The following TNKS2 variants were observed in gnomAD, a reference collection of about 807,000 sequenced individuals.
TNKS2 encodes tankyrase 2.
TNKS2 carries 72 observed loss-of-function variants against 137.6 expected under a neutral mutation model. That is an observed-to-expected ratio of 0.52 (90% confidence interval 0.43 to 0.64). The LOEUF is 0.64. Among genes scored for constraint, TNKS2 ranks in the 30% least tolerant of loss-of-function variants. The probability of loss-of-function intolerance (pLI) is 0.00; values close to 1 mark genes in which losing one functional copy is unlikely to be tolerated. For synonymous variants in TNKS2, 516 were observed against 512.1 expected (o/e 1.01, Z -0.10); for missense variants, 1,049 against 1,410.2 (o/e 0.74, Z 4.10).
intron 7 of TNKS2, 151 bp downstream of exon 7, chr10:91,822,513 G>T: frequency 1.7e-6 from 1 of 601,122 alleles, no homozygotes; most frequent in South Asian, 2.4e-5. Context: ...ATAGGTGACT[G>T]ATAGCTCAGC....
chr10:91,823,700 A>G (rs1215096682), intron 7 of TNKS2, among the ~76,000 whole-genome samples: 1 of 151,936 alleles, frequency 6.6e-6, no homozygotes, highest in Non-Finnish European at 1.5e-5. Flanking sequence ...GGATCCCAGG[A>G]TGTTACCTAT....
chr10:91,853,509 A>T (rs1842615327), intron 21 of TNKS2, among the ~76,000 whole-genome samples: 1 of 152,210 alleles, frequency 6.6e-6, no homozygotes, highest in South Asian at 2.1e-4. Context: ...CTGATTTGCA[A>T]AGTGGAACTG....
Position 91,840,640 on chromosome 10 carries a change from A to G in TNKS2, c.1607A>G (p.Tyr536Cys). ...ACACCACTTCATTTTGCAGCTGGGT[A>G]TAACAGAGTGTCCGTGGTGGAATAT... Reference protein sequence around the residue: ...QSTPLHFAAGYNRVSVVEYLL... With the variant: ...QSTPLHFAAGCNRVSVVEYLL... The change falls in exon 14 of 27, where the codon TAT becomes TGT. Residue 536 changes from tyrosine to cysteine, a missense_variant. Physicochemically the swap from Tyr to Cys is radical, Grantham distance 194. Around this residue, in one of 6 missense-constraint regions of TNKS2, gnomAD observed 328 missense variants for 436.0 expected, o/e 0.75. Coordinates refer to ENST00000371627, the MANE Select transcript of TNKS2 (RefSeq NM_025235.4). 6.2e-7 allele frequency: 1 copy of G among 1,614,166 alleles called. No homozygotes were observed. The highest frequency in any genetic ancestry group is 8.5e-7 in the Non-Finnish European group (1 of 1,180,012).
At chr10:91,805,809 C>T (rs1844307230) in intron 1 of TNKS2, among the ~76,000 whole-genome samples, 1 of 152,140 alleles carries the variant, frequency 6.6e-6, no homozygotes, top group African/African-American at 2.4e-5. Context: ...CTCTTACTCT[C>T]CAATTTAAGA....
chr10:91,815,397 C>G (rs1311266011), intron 2 of TNKS2, among the ~76,000 whole-genome samples: 1 of 152,198 alleles, frequency 6.6e-6, no homozygotes, highest in Non-Finnish European at 1.5e-5. Context: ...GCCCTACATT[C>G]AAATACATCA....
chr10:91,798,910 C>T (rs1844059583), intron 1 of TNKS2, 21 bp downstream of exon 1: 6 of 1,375,034 alleles, frequency 4.4e-6, no homozygotes, highest in African/African-American at 1.5e-5. Flanking sequence ...CCAGCGTCCC[C>T]TCGCCTCGCT....
At position 91,864,137 on chromosome 10, in the gene TNKS2, C is replaced by T. The variant is rs948400154; in HGVS notation, c.*1138C>T. ...ACTATAAAATGTAGTTGTCTCAGTCCCCTCCAGGCCTCCTGAATGGGCAAG... is the reference window on the plus strand; with the variant it reads ...ACTATAAAATGTAGTTGTCTCAGTCTCCTCCAGGCCTCCTGAATGGGCAAG... On this transcript the variant is annotated 3_prime_UTR_variant, in exon 27 of 27. Coordinates refer to ENST00000371627, the MANE Select transcript of TNKS2 (RefSeq NM_025235.4). 2 of 152,354 alleles carry T rather than the reference C, an allele frequency of 1.3e-5. No homozygotes were observed. Among genetic ancestry groups the T allele is most frequent in the Non-Finnish European group, 2.9e-5 (2 of 68,006 alleles). The allele number at this position is 152,354 out of a possible 1,614,324, so 9.4% of individuals were successfully genotyped here. A position where few individuals can be genotyped will look rare whatever the true frequency, so the allele number is the denominator to read the frequency against.
intron 13 of TNKS2, among the ~76,000 whole-genome samples, chr10:91,838,394 C>T (rs7921354): frequency 0.33 from 49,428 of 151,686 alleles, 8,492 homozygotes; most frequent in South Asian, 0.53. Context: ...TGGCTCTGTA[C>T]GAATCACTGG....
chr10:91,820,258 A>G (rs1039355145), intron 6 of TNKS2, among the ~76,000 whole-genome samples: 12 of 152,232 alleles, frequency 7.9e-5, no homozygotes, highest in Non-Finnish European at 1.3e-4. Flanking sequence ...ATACCTAAGA[A>G]TACAATGAGG....
chr10:91,848,013 T>C (rs1432652203), intron 18 of TNKS2, among the ~76,000 whole-genome samples: 1 of 152,224 alleles, frequency 6.6e-6, no homozygotes, highest in African/African-American at 2.4e-5. Context: ...GGATACAGGT[T>C]GAATATCCCT....
chr10:91,841,575 A>C, intron 15 of TNKS2, 127 bp downstream of exon 15: 2 of 562,068 alleles, frequency 3.6e-6, no homozygotes, highest in Non-Finnish European at 5.6e-6. Context: ...TTCTGTACCT[A>C]GATTTTAGAA....
At chr10:91,811,887 A>G (rs1473667167) in intron 1 of TNKS2, among the ~76,000 whole-genome samples, 8 of 152,092 alleles carry the variant, frequency 5.3e-5, no homozygotes, top group Non-Finnish European at 1.0e-4. Context: ...GTGAAATCCC[A>G]TCTCTACTAA....
At chr10:91,803,100 A>T (rs531697004) in intron 1 of TNKS2, among the ~76,000 whole-genome samples, 9 of 152,336 alleles carry the variant, frequency 5.9e-5, no homozygotes, top group African/African-American at 1.7e-4. Flanking sequence ...GTTTCTACTA[A>T]TCTGGCCAGA....
intron 2 of TNKS2, among the ~76,000 whole-genome samples, chr10:91,815,948 C>CT (rs10691725): frequency 0.085 from 10,593 of 125,052 alleles, 1,466 homozygotes; most frequent in African/African-American, 0.27. Context: ...AAGACTTTCT[C>CT]TTTTTTTTTT....
At chr10:91,804,724 G>A (rs1371127619) in intron 1 of TNKS2, among the ~76,000 whole-genome samples, 1 of 152,162 alleles carries the variant, frequency 6.6e-6, no homozygotes, top group Non-Finnish European at 1.5e-5. Context: ...TTTTATCAAG[G>A]ATTACTCCTC....
intron 3 of TNKS2, among the ~76,000 whole-genome samples, chr10:91,817,903 A>C (rs1424886253): frequency 6.6e-6 from 1 of 152,194 alleles, no homozygotes; most frequent in African/African-American, 2.4e-5. Context: ...CATGTTGTTT[A>C]CCAGATTCTT....
intron 13 of TNKS2, among the ~76,000 whole-genome samples, chr10:91,839,472 A>G (rs1842143843): frequency 6.6e-6 from 1 of 150,866 alleles, no homozygotes; most frequent in Non-Finnish European, 1.5e-5. Flanking sequence ...CCTCCCAAGT[A>G]GTAGAGACAG....
Position 91,798,723 on chromosome 10 carries a change from G to A in TNKS2, c.33G>A (p.Ala11=), listed in dbSNP as rs1364709259. 4.0e-6 allele frequency: 5 copies of A among 1,240,918 alleles called. No individual in the cohort carries two copies. Among genetic ancestry groups the A allele is most frequent in the South Asian group, 3.9e-5 (1 of 25,614 alleles). The allele number at this position is 1,240,918 out of a possible 1,614,324, so 76.9% of individuals were successfully genotyped here. MSGRRCAGGG[A]ACASAAAEAV... ...GTCGCCGCTGCGCCGGCGGGGGAGC[G>A]GCCTGCGCGAGCGCCGCGGCCGAGG... is the stretch of plus-strand genomic sequence containing the variant. Residue 11 remains alanine (A), a synonymous_variant, in exon 1 of 27, where the codon GCG becomes GCA. Coordinates refer to ENST00000371627, the MANE Select transcript of TNKS2 (RefSeq NM_025235.4).
intron 7 of TNKS2, among the ~76,000 whole-genome samples, chr10:91,824,726 G>A (rs1251636683): frequency 2.6e-5 from 4 of 152,180 alleles, no homozygotes; most frequent in African/African-American, 4.8e-5. Flanking sequence ...TAATATTCAA[G>A]TTGATAGAAT....
Sources: gnomAD v4.1 joint callset for allele counts (sites outside exome capture counted in the v4.1 genomes callset) on GRCh38, gnomAD v4.1.1 for gene constraint, gnomAD v4.1.1 regional missense constraint, MANE v1.5 for transcripts, NCBI Gene and HGNC (gene_info 2026-07-23, HGNC 2026-07-21) for gene names.